The following SLC15A1 variants were observed in gnomAD, a reference collection of about 807,000 sequenced individuals.
The protein encoded by SLC15A1 is Caco-2 oligopeptide transporter.
SLC15A1 carries 83 observed loss-of-function variants against 92.9 expected under a neutral mutation model. The ratio of observed to expected loss-of-function variants is 0.89; its 90% CI spans 0.75 to 1.07. SLC15A1 has a LOEUF of 1.07. Among genes scored for constraint, SLC15A1 ranks in the 50% least tolerant of loss-of-function variants. The probability of loss-of-function intolerance (pLI) is 0.00; values close to 1 mark genes in which losing one functional copy is unlikely to be tolerated. For synonymous variants in SLC15A1, 322 were observed against 318.2 expected (o/e 1.01, Z -0.13); for missense variants, 857 against 880.1 (o/e 0.97, Z 0.33).
At chr13:98,710,705 G>A (rs2088154108) in intron 11 of SLC15A1, among the ~76,000 whole-genome samples, 1 of 151,080 alleles carries the variant, frequency 6.6e-6, no homozygotes, top group Admixed American at 6.6e-5. Context: ...CTGCTCAGGA[G>A]GCAGAGGCAG....
intron 18 of SLC15A1, among the ~76,000 whole-genome samples, chr13:98,693,865 G>C (rs766229167): frequency 6.6e-6 from 1 of 152,234 alleles, no homozygotes; most frequent in Non-Finnish European, 1.5e-5. Flanking sequence ...CTTGGGAACA[G>C]AGTCACACAA....
At chr13:98,700,100 A>G (rs1343645220) in intron 18 of SLC15A1, among the ~76,000 whole-genome samples, 1 of 152,202 alleles carries the variant, frequency 6.6e-6, no homozygotes, top group Non-Finnish European at 1.5e-5. Flanking sequence ...TGTCAAATAC[A>G]TGATTTCTAA....
intron 1 of SLC15A1, among the ~76,000 whole-genome samples, chr13:98,745,569 A>G (rs1193326069): frequency 6.6e-6 from 1 of 152,154 alleles, no homozygotes; most frequent in Non-Finnish European, 1.5e-5. Flanking sequence ...ACAGAGACAG[A>G]TGGGCTGGCA....
intron 11 of SLC15A1, among the ~76,000 whole-genome samples, chr13:98,711,238 T>A (rs924583218): frequency 2.0e-5 from 3 of 152,206 alleles, no homozygotes; most frequent in Non-Finnish European, 2.9e-5. Flanking sequence ...GGATTGATCT[T>A]TAAAAACAAA....
rs576892650 is a variant in SLC15A1, at chr13:98,730,977, T to C, written c.5-4118A>G. On this transcript the variant is annotated intron_variant, in intron 1 of 22. Transcript: ENST00000376503. ...AGAAACGTTGGGGTATTTGTTTTTC[T>C]GGTGCCCTCCCTGCAAGGTCACCTC... Among the ~76,000 whole-genome samples the C allele has an allele frequency of 6.6e-5, 10 of 152,330 alleles. No homozygotes were observed. The South Asian group carries it at 2.1e-3, about 32-fold the overall frequency.
intron 1 of SLC15A1, among the ~76,000 whole-genome samples, chr13:98,746,277 G>T (rs562814393): frequency 1.3e-5 from 2 of 152,266 alleles, no homozygotes; most frequent in Admixed American, 6.5e-5. Flanking sequence ...ATCATTGACA[G>T]GTATCTAGGT....
chr13:98,693,257 C>A (rs9584908), intron 18 of SLC15A1, among the ~76,000 whole-genome samples: 3,796 of 152,002 alleles, frequency 0.025, 113 homozygotes, highest in African/African-American at 0.078. Context: ...GCCACCATGC[C>A]CAGCTAATTT....
At chr13:98,743,498 GGACATGC>G (rs1363526870) in intron 1 of SLC15A1, among the ~76,000 whole-genome samples, 2 of 152,136 alleles carry the variant, frequency 1.3e-5, no homozygotes, top group Non-Finnish European at 2.9e-5. Flanking sequence ...AGCCACCTTT[GGACATGC>G]TGACAGACAG....
intron 22 of SLC15A1, among the ~76,000 whole-genome samples, 187 bp downstream of exon 22, chr13:98,686,003 G>A (rs1208082626): frequency 2.0e-5 from 3 of 151,136 alleles, no homozygotes; most frequent in Non-Finnish European, 4.4e-5. Context: ...AAAAAAAGAA[G>A]AAGAAGAAGA....
chr13:98,733,911 C>T (rs1373798613), intron 1 of SLC15A1, among the ~76,000 whole-genome samples: 2 of 152,164 alleles, frequency 1.3e-5, no homozygotes, highest in Non-Finnish European at 2.9e-5. Context: ...TAGCACCATC[C>T]CTCTTGGTAC....
chr13:98,732,014 T>C (rs1197678713), intron 1 of SLC15A1, among the ~76,000 whole-genome samples: 1 of 152,244 alleles, frequency 6.6e-6, no homozygotes, highest in African/African-American at 2.4e-5. Flanking sequence ...AGCTATCTAC[T>C]GGGTGTAACA....
chr13:98,686,133 T>C, intron 22 of SLC15A1, 57 bp downstream of exon 22: 1 of 1,303,246 alleles, frequency 7.7e-7, no homozygotes, highest in South Asian at 1.2e-5. Flanking sequence ...AAGGCCACCA[T>C]GATGACCATG....
chr13:98,721,446 G>T, intron 7 of SLC15A1, 49 bp downstream of exon 7: 2 of 1,251,440 alleles, frequency 1.6e-6, no homozygotes, highest in Non-Finnish European at 1.2e-6. Context: ...ACACGGACTT[G>T]GCCTTACTAA....
intron 16 of SLC15A1, among the ~76,000 whole-genome samples, chr13:98,705,131 A>G (rs374534188): frequency 2.4e-4 from 36 of 149,860 alleles, no homozygotes; most frequent in African/African-American, 8.9e-4. Context: ...CCCAGGAGGC[A>G]GAGGTTACAG....
chr13:98,696,129 T>C (rs2088018700), intron 18 of SLC15A1, among the ~76,000 whole-genome samples: 1 of 151,716 alleles, frequency 6.6e-6, no homozygotes, highest in Non-Finnish European at 1.5e-5. Context: ...AATGGAGCTT[T>C]GGGACTGGGC....
intron 18 of SLC15A1, among the ~76,000 whole-genome samples, chr13:98,693,248 C>T (rs1258738481): frequency 6.6e-6 from 1 of 152,040 alleles, no homozygotes; most frequent in Non-Finnish European, 1.5e-5. Context: ...CAGGCACCTG[C>T]CACCATGCCC....
In SLC15A1 at chr13:98,684,838, A is replaced by C. The variant is rs777616504; in HGVS notation, c.2013T>G (p.Thr671=). 1 of 1,614,138 alleles carries C rather than the reference A, an allele frequency of 6.2e-7. No homozygotes were observed. The highest frequency in any genetic ancestry group is 2.2e-5 in the East Asian group (1 of 44,878). The change falls in exon 23 of 23, where the codon ACT becomes ACG. Residue 671 remains threonine (T), a synonymous_variant. Transcript: ENST00000376503. ...VIFAIMARFY[T]YINPAEIEAQ... ...CTTCGATCTCCGCTGGGTTGATGTA[A>C]GTATAGAACCGAGCCATGATGGCAA... is the stretch of plus-strand genomic sequence containing the variant.
At chr13:98,725,127 C>T (rs2088288433) in intron 4 of SLC15A1, among the ~76,000 whole-genome samples, 1 of 152,242 alleles carries the variant, frequency 6.6e-6, no homozygotes, top group African/African-American at 2.4e-5. Context: ...GATCTCTGCA[C>T]ATGCCAGCTC....
chr13:98,737,044 G>A (rs541868873), intron 1 of SLC15A1, among the ~76,000 whole-genome samples: 66 of 151,798 alleles, frequency 4.3e-4, no homozygotes, highest in African/African-American at 1.3e-3. Context: ...ACATGCACAC[G>A]TATGTTTATT....
Sources: gnomAD v4.1 joint callset for allele counts (sites outside exome capture counted in the v4.1 genomes callset) on GRCh38, gnomAD v4.1.1 for gene constraint, MANE v1.5 for transcripts, NCBI Gene and HGNC (gene_info 2026-07-23, HGNC 2026-07-21) for gene names.